The following ACOT12 variants were observed in gnomAD, a reference collection of about 807,000 sequenced individuals.
The protein encoded by ACOT12 is acyl-CoA thioesterase 12.
In ACOT12, 51 loss-of-function variants were observed where a neutral mutation model predicts 67.7. The ratio of observed to expected loss-of-function variants is 0.75; its 90% CI spans 0.60 to 0.95. The LOEUF (loss-of-function observed/expected upper bound fraction) is 0.95, where lower values mean the gene tolerates loss of function less well. ACOT12 is among the 40% of genes least tolerant of loss of function. The pLI is 0.00. For synonymous variants in ACOT12, 251 were observed against 244.6 expected (o/e 1.03, Z -0.24); for missense variants, 734 against 708.1 (o/e 1.04, Z -0.41).
chr5:81,325,966 T>G (rs1758663443), downstream of ACOT12, among the ~76,000 whole-genome samples: 1 of 151,514 alleles, frequency 6.6e-6, no homozygotes. Context: ...TGCACCACCA[T>G]GCCTGGTTGA....
At chr5:81,391,071 A>T (rs928951298) in intron 1 of ACOT12, among the ~76,000 whole-genome samples, 6 of 152,244 alleles carry the variant, frequency 3.9e-5, no homozygotes, top group Non-Finnish European at 7.3e-5. Flanking sequence ...CCAAAACTAT[A>T]ATCTGTCTAC....
At chr5:81,323,883 T>A in the ACOT12 span, among the ~76,000 whole-genome samples, 1 of 140,146 alleles carries the variant, frequency 7.1e-6, no homozygotes, top group Non-Finnish European at 1.6e-5. Context: ...TGTGTATATA[T>A]GTATACATAT....
Position 81,345,961 on chromosome 5 carries a change from A to T in ACOT12, c.697T>A (p.Phe233Ile). 1 of 1,614,086 alleles carries T rather than the reference A, an allele frequency of 6.2e-7. No homozygotes were observed. ...ACTGTAGATGGTCCCCGGAACTTAA[A>T]CATATCTACGGACTTCAGAAAGGGA... ...AHPFLKSVDM[F>I]KFRGPSTVGD... is the part of the protein sequence containing the mutation. Residue 233 changes from phenylalanine to isoleucine, a missense_variant, in exon 7 of 15, where the codon TTT (phenylalanine) becomes ATT (isoleucine). By Grantham distance (21) the Phe-to-Ile change is conservative (BLOSUM62 0). Coordinates refer to ENST00000307624, the MANE Select transcript of ACOT12 (RefSeq NM_130767.3).
intron 2 of ACOT12, among the ~76,000 whole-genome samples, chr5:81,382,109 A>C (rs1760600128): frequency 6.6e-6 from 1 of 152,234 alleles, no homozygotes; most frequent in Non-Finnish European, 1.5e-5. Context: ...TAAAACTCAG[A>C]GATATAGACA....
chr5:81,377,594 T>A (rs1055815715), intron 2 of ACOT12, among the ~76,000 whole-genome samples: 2 of 152,214 alleles, frequency 1.3e-5, no homozygotes, highest in African/African-American at 4.8e-5. Flanking sequence ...GAAAACCCCA[T>A]CTTCTCAGCT....
intron 4 of ACOT12, among the ~76,000 whole-genome samples, chr5:81,360,337 A>T (rs1302333956): frequency 1.3e-5 from 2 of 152,250 alleles, no homozygotes; most frequent in Non-Finnish European, 2.9e-5. Flanking sequence ...GAAATTATTC[A>T]TATTGATGAA....
chr5:81,350,411 T>C (rs1038536199), intron 5 of ACOT12, among the ~76,000 whole-genome samples: 33 of 152,354 alleles, frequency 2.2e-4, no homozygotes, highest in African/African-American at 7.7e-4. Context: ...ATTAAGCCTC[T>C]TCATCTTACT....
intron 7 of ACOT12, 132 bp downstream of exon 7, chr5:81,345,753 T>C (rs536575513): frequency 1.6e-4 from 199 of 1,219,074 alleles, no homozygotes; most frequent in East Asian, 2.7e-5. Flanking sequence ...AATATGTTCA[T>C]GGATTTTGAA....
chr5:81,324,409 G>A, the ACOT12 span, among the ~76,000 whole-genome samples: 1 of 152,096 alleles, frequency 6.6e-6, no homozygotes, highest in Non-Finnish European at 1.5e-5. Context: ...GAATTTGGGT[G>A]GTCTGTTTTG....
At chr5:81,388,360 G>A (rs1255578498) in intron 1 of ACOT12, among the ~76,000 whole-genome samples, 2 of 152,196 alleles carry the variant, frequency 1.3e-5, no homozygotes, top group East Asian at 1.9e-4. Context: ...TGCGTGCTGT[G>A]TTTTTAAACG....
chr5:81,342,440 G>A (rs1006966790), intron 11 of ACOT12, among the ~76,000 whole-genome samples: 3 of 152,094 alleles, frequency 2.0e-5, no homozygotes, highest in Non-Finnish European at 4.4e-5. Flanking sequence ...AGGGAGAGAC[G>A]GGATGTGAGA....
intron 5 of ACOT12, among the ~76,000 whole-genome samples, chr5:81,355,172 T>C (rs570514176): frequency 1.3e-5 from 2 of 152,342 alleles, no homozygotes; most frequent in Non-Finnish European, 2.9e-5. Context: ...AGGGGACCTC[T>C]CAAACAATAA....
At chr5:81,371,418 AT>A (rs11343063) in intron 3 of ACOT12, among the ~76,000 whole-genome samples, 11,078 of 148,308 alleles carry the variant, frequency 0.075, 829 homozygotes, top group African/African-American at 0.2. Context: ...GTGCTGGCTA[AT>A]TTTTTTTTTT....
At chr5:81,376,911 C>A (rs1443058507) in intron 2 of ACOT12, among the ~76,000 whole-genome samples, 1 of 152,132 alleles carries the variant, frequency 6.6e-6, no homozygotes, top group East Asian at 1.9e-4. Context: ...ACCAGAGGTA[C>A]AAAGAGGAGC....
chr5:81,357,445 G>A (rs533418662), intron 5 of ACOT12, among the ~76,000 whole-genome samples: 1 of 152,020 alleles, frequency 6.6e-6, no homozygotes, highest in South Asian at 2.1e-4. Context: ...CTGCTGAGAG[G>A]GAAGGAGTCC....
chr5:81,354,356 T>G (rs922980099), intron 5 of ACOT12, among the ~76,000 whole-genome samples: 1 of 152,232 alleles, frequency 6.6e-6, no homozygotes, highest in Non-Finnish European at 1.5e-5. Flanking sequence ...TAATTTAGAC[T>G]ATCTCCAGTA....
chr5:81,364,290 AATAC>A (rs1161179882), intron 3 of ACOT12, among the ~76,000 whole-genome samples: 5 of 150,992 alleles, frequency 3.3e-5, no homozygotes, highest in African/African-American at 1.2e-4. Context: ...CATATCACAT[AATAC>A]ATACACATAT....
intron 4 of ACOT12, among the ~76,000 whole-genome samples, chr5:81,363,073 T>C (rs1422222098): frequency 3.9e-5 from 6 of 152,086 alleles, no homozygotes; most frequent in African/African-American, 1.4e-4. Context: ...TGTCTAGCTC[T>C]GGGATGATCC....
chr5:81,320,396 G>A, the ACOT12 span, among the ~76,000 whole-genome samples: 11 of 152,304 alleles, frequency 7.2e-5, no homozygotes, highest in Admixed American at 4.6e-4. Flanking sequence ...TGGGACATAA[G>A]CTTGCCCTAA....
Sources: gnomAD v4.1 joint callset for allele counts (sites outside exome capture counted in the v4.1 genomes callset) on GRCh38, gnomAD v4.1.1 for gene constraint, MANE v1.5 for transcripts, NCBI Gene and HGNC (gene_info 2026-07-23, HGNC 2026-07-21) for gene names.